HSPG2: variants seen among roughly 807,000 people sequenced by gnomAD.
HSPG2 encodes the protein basement membrane-specific heparan sulfate proteoglycan core protein.
A neutral mutation model predicts 526.6 loss-of-function variants in HSPG2; 278 were observed. That is an observed-to-expected ratio of 0.53 (90% CI 0.48 to 0.58). The LOEUF is 0.58. Among genes scored for constraint, HSPG2 ranks in the 20% least tolerant of loss-of-function variants. The pLI, the probability that HSPG2 is intolerant of heterozygous loss-of-function variation, is 0.00. For synonymous variants in HSPG2, 2,465 were observed against 2,555.4 expected (o/e 0.96, Z 1.07); for missense variants, 5,354 against 6,099.5 (o/e 0.88, Z 4.07).
rs114389753 is a variant in HSPG2, at chr1:21,926,132, C to A, written c.63+11023G>T. On this transcript the variant is annotated intron_variant, in intron 1 of 96. Coordinates refer to ENST00000374695, the MANE Select transcript of HSPG2 (RefSeq NM_005529.7). ...AGTGAGAATCTGGCCCCCAACTCCC[C>A]CTCCTGATGCCTCAGTTTCCTGCCC... 7.9e-3 allele frequency among the ~76,000 whole-genome samples: 1,210 copies of A among 152,252 alleles called. 23 individuals carry two copies. Among genetic ancestry groups the A allele is most frequent in the African/African-American group, 0.027 (1,129 of 41,544 alleles).
In HSPG2 at chr1:21,889,873, C is replaced by T. The variant is rs1039477072; in HGVS notation, c.574+108G>A. 5 of 1,128,990 alleles carry T rather than the reference C, an allele frequency of 4.4e-6. No homozygotes were observed. The African/African-American group carries it at 6.1e-5, about 14-fold the overall frequency. 69.9% of individuals were successfully genotyped at this position (1,128,990 alleles called of 1,614,324 possible). On this transcript the variant is annotated intron_variant, in intron 6 of 96. Coordinates refer to ENST00000374695, the MANE Select transcript of HSPG2 (RefSeq NM_005529.7). The stretch of plus-strand genomic sequence containing the variant: ...GGGCAGACTCAGGAGTAGTGAGCTC[C>T]CTGTTTCTAGTGGTGTGCAAGCCCA...
intron 37 of HSPG2, 22 bp from the exon 38 acceptor site, chr1:21,862,137 G>A (rs371021101): frequency 6.2e-7 from 1 of 1,609,596 alleles, no homozygotes; most frequent in Non-Finnish European, 8.5e-7. Context: ...AAGGAGGGCA[G>A]GCACCAGCCA....
chr1:21,848,766 G>C lies in HSPG2; in HGVS notation c.7614C>G (p.Ile2538Met). 1.2e-6 allele frequency: 2 copies of C among 1,613,854 alleles called. No individual in the cohort carries two copies. The highest frequency in any genetic ancestry group is 1.7e-6 in the Non-Finnish European group (2 of 1,179,988). ...TGGCCAGGGAGGCTGAGGAGGACTC[G>C]ATGCGGACGGGGTACGCCACACCCT... is the stretch of plus-strand genomic sequence containing the variant. ...HSQGVAYPVR[I>M]ESSSASLANG... Residue 2538 changes from isoleucine to methionine, a missense_variant, in exon 59 of 97, where the codon ATC becomes ATG. Ile to Met is a conservative substitution (Grantham distance 10). Transcript: ENST00000374695. This position sits in a 1 kb window ranked among gnomAD's most constrained non-coding sequence, Gnocchi z 4.9.
At chr1:21,906,283 C>T (rs1643373675) in intron 1 of HSPG2, among the ~76,000 whole-genome samples, 1 of 152,122 alleles carries the variant, frequency 6.6e-6, no homozygotes, top group South Asian at 2.1e-4. Context: ...CGGAGGCGAG[C>T]AGGGGCCAGA....
In HSPG2 at chr1:21,846,123, C is replaced by T. The variant is rs1017686610; in HGVS notation, c.8449G>A (p.Ala2817Thr). Residue 2817 changes from alanine (A) to threonine (T), a missense_variant, in exon 64 of 97, where the codon GCT (alanine) becomes ACT (threonine). Ala to Thr is a moderately conservative substitution (Grantham distance 58, BLOSUM62 0). Transcript: ENST00000374695. Reference protein sequence around the residue: ...LVTIEASGSSAVHVPAPGGAP... With the variant: ...LVTIEASGSSTVHVPAPGGAP... ...GGACCCTCACCGGGGACGTGGACAG[C>T]ACTTGAGCCAGAGGCTTCGATGGTG... 14 of 1,612,784 alleles carry T rather than the reference C, an allele frequency of 8.7e-6. No homozygotes were observed. Among genetic ancestry groups the T allele is most frequent in the African/African-American group, 1.3e-5 (1 of 74,938 alleles).
At chr1:21,869,854 C>A (rs569164137) in intron 33 of HSPG2, among the ~76,000 whole-genome samples, 2 of 152,208 alleles carry the variant, frequency 1.3e-5, no homozygotes, top group South Asian at 4.1e-4. Flanking sequence ...GCGGGGATAT[C>A]CCGGGATGGG....
At chr1:21,888,846 C>T in intron 6 of HSPG2, 1 of 495,184 alleles carries the variant, frequency 2.0e-6, no homozygotes, top group Non-Finnish European at 3.2e-6. Context: ...GAGGGCTGGA[C>T]CCCCAGCAGT....
Position 21,842,362 on chromosome 1 carries a change from G to A in HSPG2, c.8929C>T (p.Arg2977Trp), listed in dbSNP as rs114851469. Reference protein sequence around the residue: ...ARHQTHGSQLRLHLVSPADSG... With the variant: ...ARHQTHGSQLWLHLVSPADSG... The stretch of plus-strand genomic sequence containing the variant: ...TCGGCAGGGGAGACGAGGTGGAGCC[G>A]CAGCTGGGAGCCATGGGTCTGTCAG... Residue 2977 changes from arginine (R) to tryptophan (W), a missense_variant, in exon 68 of 97, where the codon CGG (arginine) becomes TGG (tryptophan). Physicochemically the swap from Arg to Trp is moderately radical, Grantham distance 101 (BLOSUM62 -3). Transcript: ENST00000374695. 0.011 allele frequency: 17,511 copies of A among 1,608,024 alleles called. 114 individuals are homozygous for A. The highest frequency in any genetic ancestry group is 0.011 in the South Asian group (1,038 of 90,548).
In HSPG2 at chr1:21,849,824, C is replaced by T. The variant is rs2315929; in HGVS notation, c.7446+217G>A. ...CCTCCCGAGTAGCTGGGATTACAGGCGCGCACCACCACGCCCGGCTAATTT... is the reference window on the plus strand; with the variant it reads ...CCTCCCGAGTAGCTGGGATTACAGGTGCGCACCACCACGCCCGGCTAATTT... On this transcript the variant is annotated intron_variant, in intron 57 of 96. Transcript: ENST00000374695. Among the ~76,000 whole-genome samples the T allele has an allele frequency of 1.3e-3, 200 of 152,256 alleles. 4 individuals are homozygous for T. The East Asian group carries it at 0.031, about 23-fold the overall frequency.
At position 21,869,639 on chromosome 1, in the gene HSPG2, C is replaced by A. The variant is rs374787159; in HGVS notation, c.4221+2547G>T. On this transcript the variant is annotated intron_variant, in intron 33 of 96. Transcript: ENST00000374695. ...GACAGGAGCTGCCAGATCTCAGCAT[C>A]CATCCGTCTCTGAGCCTCGTCCACC... 5.1e-6 allele frequency: 5 copies of A among 986,034 alleles called. No homozygotes were observed. The African/African-American group carries it at 7.0e-5, about 14-fold the overall frequency. 61.1% of individuals were successfully genotyped at this position (986,034 alleles called of 1,614,324 possible).
At chr1:21,840,481 T>C (rs2098044237) in intron 71 of HSPG2, among the ~76,000 whole-genome samples, 1 of 152,106 alleles carries the variant, frequency 6.6e-6, no homozygotes, top group South Asian at 2.1e-4. Flanking sequence ...AATTTTTTTG[T>C]ATTTTTAGTA....
At position 21,888,700 on chromosome 1, in the gene HSPG2, G is replaced by A. The variant is rs149677207; in HGVS notation, c.575-634C>T. On this transcript the variant is annotated intron_variant, in intron 6 of 96. Coordinates refer to ENST00000374695, the MANE Select transcript of HSPG2 (RefSeq NM_005529.7). ...CACTGCGACCGCCACAGCGGCCGGC[G>A]GGGGTGGGGGGGTCTGTGCTGGAAA... 3.5e-3 allele frequency: 4,827 copies of A among 1,365,086 alleles called. 14 individuals carry two copies. Among genetic ancestry groups the A allele is most frequent in the Non-Finnish European group, 4.0e-3 (4,083 of 1,021,282 alleles). The allele number at this position is 1,365,086 out of a possible 1,614,324, so 84.6% of individuals were successfully genotyped here. A position where few individuals can be genotyped will look rare whatever the true frequency, so the allele number is the denominator to read the frequency against.
chr1:21,843,000 C>G, intron 66 of HSPG2, 79 bp from the exon 67 acceptor site: 2 of 1,534,792 alleles, frequency 1.3e-6, no homozygotes, highest in Middle Eastern at 3.7e-4. Flanking sequence ...CAGTGAAGAC[C>G]AGCTCCAGTT....
chr1:21,852,600 T>C (rs1035192196), intron 52 of HSPG2, 100 bp downstream of exon 52: 1 of 1,519,834 alleles, frequency 6.6e-7, no homozygotes, highest in Non-Finnish European at 9.1e-7. Context: ...AGCTCCGGTG[T>C]GGGCCTTCTG....
intron 53 of HSPG2, 75 bp from the exon 54 acceptor site, chr1:21,852,001 C>A: frequency 6.2e-7 from 1 of 1,610,652 alleles, no homozygotes; most frequent in South Asian, 1.1e-5. Context: ...TCCCCCCGAT[C>A]TAGGAAGTGC....
Position 21,872,045 on chromosome 1 carries a change from C to G in HSPG2, c.4221+141G>C. On this transcript the variant is annotated intron_variant, in intron 33 of 96. Coordinates refer to ENST00000374695, the MANE Select transcript of HSPG2 (RefSeq NM_005529.7). This position sits in a 1 kb window ranked among gnomAD's most constrained non-coding sequence, Gnocchi z 5.5. The stretch of plus-strand genomic sequence containing the variant: ...CAAGCGGCAGAGCTGGGGTTCAGAC[C>G]AATGTCTATGGGACTGCAAAAGCCA... The G allele has an allele frequency of 1.2e-6, 1 of 820,988 alleles. No homozygotes were observed. Among genetic ancestry groups the G allele is most frequent in the Non-Finnish European group, 2.0e-6 (1 of 498,056 alleles). The allele number at this position is 820,988 out of a possible 1,614,324, so 50.9% of individuals were successfully genotyped here.
Position 21,890,085 on chromosome 1 carries a change from T to C in HSPG2, c.470A>G (p.Asp157Gly), listed in dbSNP as rs1261120067. 1 of 1,613,922 alleles carries C rather than the reference T, an allele frequency of 6.2e-7. No individual in the cohort carries two copies. Among genetic ancestry groups the C allele is most frequent in the Non-Finnish European group, 8.5e-7 (1 of 1,179,888 alleles). Residue 157 changes from aspartate to glycine, a missense_variant, in exon 6 of 97, where the codon GAT becomes GGT. Transcript: ENST00000374695. The surrounding 1 kb of genome is among the most constrained non-coding windows in gnomAD (Gnocchi z 4.1). ...CAGCATCTCCTGAATCTGAGCCCCATCCGCATTCCCTTCCGAGCCCACATC... is the reference window on the plus strand; with the variant it reads ...CAGCATCTCCTGAATCTGAGCCCCACCCGCATTCCCTTCCGAGCCCACATC... ...ELDVGSEGNA[D>G]GAQIQEMLLR...
At chr1:21,925,601 A>G (rs1644167425) in intron 1 of HSPG2, among the ~76,000 whole-genome samples, 1 of 152,166 alleles carries the variant, frequency 6.6e-6, no homozygotes, top group Admixed American at 6.5e-5. Context: ...CTGGGTTGAA[A>G]TGGAAGCCAA....
intron 55 of HSPG2, 179 bp downstream of exon 55, chr1:21,851,367 A>G (rs1638880937): frequency 1.0e-5 from 8 of 801,734 alleles, no homozygotes; most frequent in Non-Finnish European, 1.6e-5. Context: ...TGGTGGAGCC[A>G]GAATTCACAC....
Sources: allele counts gnomAD v4.1 joint callset (sites outside exome capture counted in the v4.1 genomes callset), GRCh38; gene constraint gnomAD v4.1.1; non-coding constraint Gnocchi (gnomAD v3.1); transcripts MANE v1.5; gene names NCBI Gene and HGNC (gene_info 2026-07-23, HGNC 2026-07-21).